The following ST6GALNAC3 variants were observed in gnomAD, a reference collection of about 807,000 sequenced individuals.
ST6GALNAC3 encodes the protein alpha-N-acetylgalactosaminide alpha-2,6-sialyltransferase 3.
In ST6GALNAC3, 25 loss-of-function variants were observed where a neutral mutation model predicts 32.7. The observed-to-expected ratio is 0.76, with a 90% CI of 0.56 to 1.07. The LOEUF (loss-of-function observed/expected upper bound fraction) is 1.07, where lower values mean the gene tolerates loss of function less well. Ranked by LOEUF, ST6GALNAC3 falls within the 50% of genes least tolerant of loss-of-function variation. The pLI, the probability that ST6GALNAC3 is intolerant of heterozygous loss-of-function variation, is 0.00. For synonymous variants in ST6GALNAC3, 129 were observed against 133.1 expected, an observed-to-expected ratio of 0.97 and a Z score of 0.21; for missense variants, 355 against 382.4, an observed-to-expected ratio of 0.93 and a Z score of 0.60.
intron 1 of ST6GALNAC3, among the ~76,000 whole-genome samples, chr1:76,206,533 T>C (rs1017450823): frequency 1.3e-5 from 2 of 152,100 alleles, no homozygotes; most frequent in African/African-American, 2.4e-5. Context: ...ATCAAGACCA[T>C]CCTGGCCAAC....
At chr1:76,372,357 G>A (rs1429825311) in intron 2 of ST6GALNAC3, among the ~76,000 whole-genome samples, 1 of 151,860 alleles carries the variant, frequency 6.6e-6, no homozygotes, top group Non-Finnish European at 1.5e-5. Flanking sequence ...ATTATACACA[G>A]ACATGCACAC....
At position 76,539,691 on chromosome 1, in the gene ST6GALNAC3, G is replaced by A. The variant is rs1246610093; in HGVS notation, c.624-87761G>A. ...GAAAAAAAAACCCCATCGAAAAGTG[G>A]GCAAAGGATATGAACAGACACTTCT... On this transcript the variant is annotated intron_variant, in intron 3 of 4. Transcript: ENST00000328299. Among the ~76,000 whole-genome samples the A allele has an allele frequency of 2.6e-5, 4 of 151,722 alleles. No homozygotes were observed. The South Asian group carries it at 8.3e-4, about 32-fold the overall frequency.
At chr1:76,433,092 C>G (rs372912094) in intron 3 of ST6GALNAC3, among the ~76,000 whole-genome samples, 1 of 152,054 alleles carries the variant, frequency 6.6e-6, no homozygotes, top group African/African-American at 2.4e-5. Context: ...TTTGTTCTTT[C>G]TCAGAGCTCT....
intron 2 of ST6GALNAC3, among the ~76,000 whole-genome samples, chr1:76,347,013 A>T (rs1321855247): frequency 6.6e-6 from 1 of 152,162 alleles, no homozygotes; most frequent in Admixed American, 6.6e-5. Context: ...GAAATAGAAC[A>T]AAAAAAGAGC....
At position 76,208,163 on chromosome 1, in the gene ST6GALNAC3, T is replaced by A. The variant is rs77594034; in HGVS notation, c.19-105642T>A. 4.9e-3 allele frequency among the ~76,000 whole-genome samples: 751 copies of A among 152,278 alleles called. 3 individuals carry two copies. Among genetic ancestry groups the A allele is most frequent in the African/African-American group, 0.017 (715 of 41,560 alleles). On this transcript the variant is annotated intron_variant, in intron 1 of 4. Transcript: ENST00000328299. ...TCATCTCAGGGCCTACCAAGACCTA[T>A]GGCCTGGGCCTGCCCTCCTGAGGTC...
intron 1 of ST6GALNAC3, among the ~76,000 whole-genome samples, chr1:76,107,153 T>G (rs1429090656): frequency 1.3e-5 from 2 of 152,232 alleles, no homozygotes; most frequent in African/African-American, 4.8e-5. Flanking sequence ...CAAACATTTC[T>G]TCAAGTCTGG....
chr1:76,537,924 G>A (rs551849197), intron 3 of ST6GALNAC3, among the ~76,000 whole-genome samples: 21 of 152,154 alleles, frequency 1.4e-4, no homozygotes, highest in African/African-American at 4.6e-4. Flanking sequence ...ATTCACAGCC[G>A]AATTCTACCA....
intron 1 of ST6GALNAC3, among the ~76,000 whole-genome samples, chr1:76,080,228 C>T (rs775366188): frequency 6.6e-6 from 1 of 152,172 alleles, no homozygotes; most frequent in African/African-American, 2.4e-5. Flanking sequence ...CTTGGTATTT[C>T]TAAGAACTAG....
At chr1:76,566,255 A>T (rs1665548908) in intron 3 of ST6GALNAC3, among the ~76,000 whole-genome samples, 1 of 152,206 alleles carries the variant, frequency 6.6e-6, no homozygotes, top group East Asian at 1.9e-4. Flanking sequence ...TAGCAAGTAA[A>T]GAGTAATTTA....
At chr1:76,592,293 G>A (rs990665679) in intron 3 of ST6GALNAC3, among the ~76,000 whole-genome samples, 1 of 152,098 alleles carries the variant, frequency 6.6e-6, no homozygotes, top group Admixed American at 6.6e-5. Context: ...ATGCATTTCA[G>A]AAACATTTTG....
intron 1 of ST6GALNAC3, among the ~76,000 whole-genome samples, chr1:76,146,987 C>T (rs1312256577): frequency 1.3e-5 from 2 of 152,070 alleles, no homozygotes; most frequent in Non-Finnish European, 2.9e-5. Flanking sequence ...TACTGCTCCA[C>T]GTGTCACATC....
At chr1:76,511,508 G>A (rs11162171) in intron 3 of ST6GALNAC3, among the ~76,000 whole-genome samples, 21,211 of 152,096 alleles carry the variant, frequency 0.14, 1,947 homozygotes, top group East Asian at 0.27. Context: ...AGTGACCTGA[G>A]CACAGCTCGG....
chr1:76,285,410 G>GTGTGTGTGTGTGTGTA (rs1491067689), intron 1 of ST6GALNAC3, among the ~76,000 whole-genome samples: 1 of 149,258 alleles, frequency 6.7e-6, no homozygotes, highest in Non-Finnish European at 1.5e-5. Context: ...GTGTGTGTGT[G>GTGTGTGTGTGTGTGTA]TACATGTGTG....
chr1:76,089,121 C>T (rs1025933824), intron 1 of ST6GALNAC3, among the ~76,000 whole-genome samples: 4 of 152,294 alleles, frequency 2.6e-5, no homozygotes, highest in East Asian at 1.9e-4. Context: ...CTCCACCTCC[C>T]GGGTTCACAC....
At chr1:76,588,733 A>G (rs1307803006) in intron 3 of ST6GALNAC3, among the ~76,000 whole-genome samples, 1 of 152,162 alleles carries the variant, frequency 6.6e-6, no homozygotes, top group East Asian at 1.9e-4. Flanking sequence ...TTGGGGAGGC[A>G]TTTCCAGCAG....
chr1:76,247,694 G>T lies in ST6GALNAC3; in HGVS notation c.19-66111G>T, dbSNP rs933940000. Among the ~76,000 whole-genome samples the T allele has an allele frequency of 2.0e-5, 3 of 152,184 alleles. No individual in the cohort carries two copies. The East Asian group carries it at 5.8e-4, about 29-fold the overall frequency. ...CCCCTAGCAAGCTCAATGGTCCCAGGTTGACTCTGGACTGCTGTGCTGGCA... is the reference window on the plus strand; with the variant it reads ...CCCCTAGCAAGCTCAATGGTCCCAGTTTGACTCTGGACTGCTGTGCTGGCA... On this transcript the variant is annotated intron_variant, in intron 1 of 4. Coordinates refer to ENST00000328299, the MANE Select transcript of ST6GALNAC3 (RefSeq NM_152996.4).
At chr1:76,304,375 T>A (rs952575792) in intron 1 of ST6GALNAC3, among the ~76,000 whole-genome samples, 3 of 151,992 alleles carry the variant, frequency 2.0e-5, no homozygotes, top group African/African-American at 7.2e-5. Context: ...CTCCATCTTC[T>A]TTCTCCATCC....
intron 1 of ST6GALNAC3, among the ~76,000 whole-genome samples, chr1:76,266,323 C>G (rs1257189757): frequency 6.6e-6 from 1 of 152,116 alleles, no homozygotes; most frequent in Admixed American, 6.5e-5. Flanking sequence ...ATGACTCTAT[C>G]AAGTAGGTCT....
At chr1:76,469,097 A>G (rs141714027) in intron 3 of ST6GALNAC3, among the ~76,000 whole-genome samples, 3 of 152,190 alleles carry the variant, frequency 2.0e-5, no homozygotes, top group Admixed American at 1.3e-4. Flanking sequence ...CAATTCTTGC[A>G]TATGTTTATT....
Sources: gnomAD v4.1 joint callset for allele counts (sites outside exome capture counted in the v4.1 genomes callset) on GRCh38, gnomAD v4.1.1 for gene constraint, MANE v1.5 for transcripts, NCBI Gene and HGNC (gene_info 2026-07-23, HGNC 2026-07-21) for gene names.